The following PIGN variants were observed in gnomAD, a reference collection of about 807,000 sequenced individuals.
The protein encoded by PIGN is phosphatidylinositol glycan anchor biosynthesis class N.
Under a neutral mutation model 125.4 loss-of-function variants are expected in PIGN, and 117 were observed. That is an observed-to-expected ratio of 0.93 (90% CI 0.80 to 1.09). The LOEUF (loss-of-function observed/expected upper bound fraction) is 1.09. Among genes scored for constraint, PIGN ranks in the 50% least tolerant of loss-of-function variants. PIGN has a pLI of 0.00. For synonymous variants in PIGN, 392 were observed against 377.8 expected, an observed-to-expected ratio of 1.04 and a Z score of -0.44; for missense variants, 1,075 against 1,094.9, an observed-to-expected ratio of 0.98 and a Z score of 0.26.
intron 14 of PIGN, among the ~76,000 whole-genome samples, chr18:62,125,247 C>T (rs1046813854): frequency 5.7e-5 from 8 of 141,500 alleles, no homozygotes; most frequent in South Asian, 2.3e-4. Flanking sequence ...TAAATATACA[C>T]GTTTGTATAT....
intron 14 of PIGN, among the ~76,000 whole-genome samples, chr18:62,129,751 T>A (rs2035665413): frequency 6.6e-6 from 1 of 152,170 alleles, no homozygotes; most frequent in Non-Finnish European, 1.5e-5. Flanking sequence ...GTTAAGTAAA[T>A]CAATGAAGCA....
At chr18:62,123,926 GA>G (rs35754523) in intron 14 of PIGN, among the ~76,000 whole-genome samples, 62,027 of 147,470 alleles carry the variant, frequency 0.42, 13,239 homozygotes, top group East Asian at 0.68. Context: ...CTATAAAAAT[GA>G]AAAAAAAAAA....
At chr18:62,080,684 A>C (rs1447787926) in intron 28 of PIGN, among the ~76,000 whole-genome samples, 1 of 152,204 alleles carries the variant, frequency 6.6e-6, no homozygotes, top group East Asian at 1.9e-4. Context: ...CGAGGGTAAA[A>C]GCAACAATCT....
chr18:62,184,176 CAA>C (rs2037815378), intron 1 of PIGN, among the ~76,000 whole-genome samples: 1 of 152,124 alleles, frequency 6.6e-6, no homozygotes, highest in Admixed American at 6.5e-5. Context: ...TCAAGTCAAC[CAA>C]AACTTGCATT....
At chr18:62,136,966 G>A in intron 14 of PIGN, 1 of 395,788 alleles carries the variant, frequency 2.5e-6, no homozygotes, top group Non-Finnish European at 4.5e-6. Context: ...GGTTAATATT[G>A]AGTGTCAACT....
At chr18:62,121,129 T>C (rs1178341738) in intron 14 of PIGN, among the ~76,000 whole-genome samples, 2 of 152,174 alleles carry the variant, frequency 1.3e-5, no homozygotes, top group African/African-American at 4.8e-5. Context: ...CATTTGCCAA[T>C]GACACACTAG....
intron 25 of PIGN, among the ~76,000 whole-genome samples, chr18:62,087,503 A>G (rs142237500): frequency 9.8e-4 from 150 of 152,326 alleles, no homozygotes; most frequent in Non-Finnish European, 1.9e-3. Flanking sequence ...GCAACTATAA[A>G]TTTTTCTTTC....
Position 62,045,092 on chromosome 18 carries a change from T to C in PIGN, c.*764A>G, listed in dbSNP as rs2030565392. 1 of 152,090 alleles carries C rather than the reference T, an allele frequency of 6.6e-6. No individual in the cohort carries two copies. The highest frequency in any genetic ancestry group is 2.4e-5 in the African/African-American group (1 of 41,428). 9.4% of individuals were successfully genotyped at this position (152,090 alleles called of 1,614,324 possible). ...AAAGAAACAATATACGAAAAAGCTA[T>C]GGGGTAACAGATGTTGAGCCTACAA... On this transcript the variant is annotated 3_prime_UTR_variant, in exon 31 of 31. Transcript: ENST00000640252.
intron 23 of PIGN, among the ~76,000 whole-genome samples, chr18:62,023,617 ATT>A (rs1409146841): frequency 2.0e-5 from 3 of 152,222 alleles, no homozygotes; most frequent in Non-Finnish European, 2.9e-5. Context: ...CTCAATTTAC[ATT>A]TGATTCAAGT....
intron 14 of PIGN, chr18:62,137,898 G>C (rs1366827969): frequency 4.9e-6 from 1 of 205,278 alleles, no homozygotes; most frequent in African/African-American, 2.3e-5. Flanking sequence ...AAAGCCATAT[G>C]GTACCAGCAT....
Position 62,045,817 on chromosome 18 carries a change from A to G in PIGN, c.*39T>C. ...CTTGATGAGATTTTAGCTTAAAAGG[A>G]GAATCAGGATCCAGATGCTGAATGG... is the stretch of plus-strand genomic sequence containing the variant. On this transcript the variant is annotated 3_prime_UTR_variant, in exon 31 of 31. Coordinates refer to ENST00000640252, the MANE Select transcript of PIGN (RefSeq NM_176787.5). 1 of 1,607,986 alleles carries G rather than the reference A, an allele frequency of 6.2e-7. No individual in the cohort carries two copies.
intron 30 of PIGN, among the ~76,000 whole-genome samples, chr18:62,063,653 A>G (rs913513499): frequency 2.0e-5 from 3 of 149,382 alleles, no homozygotes; most frequent in Non-Finnish European, 4.5e-5. Flanking sequence ...GCCAAAAGGT[A>G]TAATTTCAAT....
At chr18:62,019,843 G>A (rs1174264412) in intron 23 of PIGN, among the ~76,000 whole-genome samples, 2 of 152,232 alleles carry the variant, frequency 1.3e-5, no homozygotes, top group Non-Finnish European at 2.9e-5. Flanking sequence ...CAAGACTGTG[G>A]TCCCTGACAG....
intron 23 of PIGN, among the ~76,000 whole-genome samples, chr18:62,020,800 A>T (rs907826176): frequency 7.5e-5 from 7 of 93,860 alleles, no homozygotes; most frequent in Non-Finnish European, 1.6e-4. Context: ...AATATTAAAA[A>T]AAAAAAAAAA....
intron 2 of PIGN, among the ~76,000 whole-genome samples, chr18:62,162,750 CT>C (rs1438887799): frequency 6.6e-6 from 1 of 152,060 alleles, no homozygotes; most frequent in Non-Finnish European, 1.5e-5. Flanking sequence ...AGCATATTCC[CT>C]CCCCTCTTCT....
intron 7 of PIGN, among the ~76,000 whole-genome samples, chr18:62,148,762 T>C (rs1013002137): frequency 1.3e-5 from 2 of 152,134 alleles, no homozygotes; most frequent in African/African-American, 2.4e-5. Context: ...CTGTGTACTA[T>C]CAACCTAGTC....
rs150526247 is a variant in PIGN, at chr18:62,140,837, C to T, written c.964-358G>A. ...AATGAATATCAAGAGTAGACTTTAA[C>T]TGGAGAAATGTATATATTAAGTAGA... On this transcript the variant is annotated intron_variant, in intron 11 of 30. Transcript: ENST00000640252. 2.4e-3 allele frequency among the ~76,000 whole-genome samples: 370 copies of T among 152,172 alleles called. 1 individual carries two copies. Among genetic ancestry groups the T allele is most frequent in the African/African-American group, 8.5e-3 (355 of 41,528 alleles).
At chr18:62,064,829 C>A (rs1190695448) in intron 30 of PIGN, among the ~76,000 whole-genome samples, 1 of 152,068 alleles carries the variant, frequency 6.6e-6, no homozygotes, top group Non-Finnish European at 1.5e-5. Context: ...CAATACAATC[C>A]CCCAATTAGT....
intron 30 of PIGN, among the ~76,000 whole-genome samples, chr18:62,068,563 C>T (rs2032659226): frequency 6.6e-6 from 1 of 152,162 alleles, no homozygotes; most frequent in Admixed American, 6.5e-5. Flanking sequence ...CAATCTAGCA[C>T]CAGATCCTAC....
Sources: allele counts gnomAD v4.1 joint callset (sites outside exome capture counted in the v4.1 genomes callset), GRCh38; gene constraint gnomAD v4.1.1; transcripts MANE v1.5; gene names NCBI Gene and HGNC (gene_info 2026-07-23, HGNC 2026-07-21).